Variants in ZNF497 observed in about 807,000 individuals in gnomAD.
ZNF497 encodes the protein zinc finger protein 497, also known as zinc finger-like protein.
For missense variants in ZNF497, 930 were observed against 714.0 expected (o/e 1.30, Z -3.45); for synonymous variants, 422 against 313.7 (o/e 1.35, Z -3.65).
intron 1 of ZNF497, chr19:58,359,037 CCAAGAGCTCCAGCAT>C: frequency 7.4e-6 from 4 of 542,528 alleles, no homozygotes; most frequent in Non-Finnish European, 1.3e-5. Context: ...TGCTCCAGCA[CCAAGAGCTCCAGCAT>C]CTGCTCCTTG....
At chr19:58,362,171 C>T (rs1278531513) in intron 1 of ZNF497, among the ~76,000 whole-genome samples, 1 of 152,224 alleles carries the variant, frequency 6.6e-6, no homozygotes, top group East Asian at 1.9e-4. Flanking sequence ...GTACTTGTGT[C>T]TCCCCCACAA....
intron 2 of ZNF497, chr19:58,358,141 C>G (rs1260510559): frequency 2.4e-6 from 3 of 1,263,776 alleles, no homozygotes; most frequent in Middle Eastern, 2.2e-4. Context: ...TGGCCGGATC[C>G]CTGGGTAGTC....
intron 1 of ZNF497, among the ~76,000 whole-genome samples, chr19:58,360,372 C>CT (rs974859388): frequency 5.3e-4 from 77 of 144,082 alleles, no homozygotes; most frequent in South Asian, 8.6e-4. Flanking sequence ...TTTTCTTTTT[C>CT]TTTTTTTTTT....
chr19:58,357,431 C>A lies in ZNF497; in HGVS notation c.205G>T (p.Gly69Cys). Residue 69 changes from glycine (G) to cysteine (C), a missense_variant, in exon 3 of 3, where the codon GGC becomes TGC. By Grantham distance (159) the Gly-to-Cys change is radical. Transcript: ENST00000311044. Reference sequence around the variant, plus strand: ...GCGGGGCCCAGCTCCCTGCCGGGGCCTCCCTGTTCGTCCGCCGCCCCCAGT... The same window carrying A: ...GCGGGGCCCAGCTCCCTGCCGGGGCATCCCTGTTCGTCCGCCGCCCCCAGT... ...ATLGAADEQG[G>C]PGRELGPADG... 6.2e-7 allele frequency: 1 copy of A among 1,600,930 alleles called. No individual in the cohort carries two copies. The highest frequency in any genetic ancestry group is 8.5e-7 in the Non-Finnish European group (1 of 1,173,878).
chr19:58,357,767 C>A lies in ZNF497; in HGVS notation c.-14-118G>T. On this transcript the variant is annotated intron_variant, in intron 2 of 2. Coordinates refer to ENST00000311044, the MANE Select transcript of ZNF497 (RefSeq NM_198458.3). ...TCCCCCACTCTTCTCCTCCAGGTCC[C>A]TGGATGCCCAATGCCCTCTGGAGCC... 7.2e-6 allele frequency: 9 copies of A among 1,243,760 alleles called. No individual in the cohort carries two copies. The South Asian group carries it at 1.6e-4, about 22-fold the overall frequency. The allele number at this position is 1,243,760 out of a possible 1,614,324, so 77.0% of individuals were successfully genotyped here. A position where few individuals can be genotyped will look rare whatever the true frequency, so the allele number is the denominator to read the frequency against.
At position 58,356,516 on chromosome 19, in the gene ZNF497, G is replaced by A. The variant is rs781098520; in HGVS notation, c.1120C>T (p.Leu374=). 42 of 1,548,182 alleles carry A rather than the reference G, an allele frequency of 2.7e-5. No individual in the cohort carries two copies. The highest frequency in any genetic ancestry group is 2.7e-5 in the Non-Finnish European group (31 of 1,152,528). Residue 374 remains leucine (L), a synonymous_variant, in exon 3 of 3, where the codon CTG becomes TTG. Coordinates refer to ENST00000311044, the MANE Select transcript of ZNF497 (RefSeq NM_198458.3). ...GKAFSQRSNL[L]SHRRTHSGAK... is the part of the protein sequence containing the mutation. ...CCCGAGTGCGTGCGCCGGTGGCTCA[G>A]TAGGTTGGAGCGCTGGCTGAAGGCC...
rs2052096553 is a variant in ZNF497 at position 58,361,769 on chromosome 19, T to A, written c.-112+908A>T. On this transcript the variant is annotated intron_variant, in intron 1 of 2. Coordinates refer to ENST00000311044, the MANE Select transcript of ZNF497 (RefSeq NM_198458.3). ...TTACCTCAAATCAAAAGTTAAATTT[T>A]AAAAAAACGACATCTGATTTCAATA... is the stretch of plus-strand genomic sequence containing the variant. Among the ~76,000 whole-genome samples the A allele has an allele frequency of 4.6e-5, 7 of 152,268 alleles. No homozygotes were observed. In the South Asian group the frequency reaches 1.0e-3, roughly 23 times the overall value.
chr19:58,358,392 C>G, intron 2 of ZNF497, 97 bp downstream of exon 2: 1 of 1,168,072 alleles, frequency 8.6e-7, no homozygotes. Flanking sequence ...GCGAGCAAAA[C>G]CCATCCTCAT....
At chr19:58,357,764 TC>T (rs1264272725) in intron 2 of ZNF497, 115 bp from the exon 3 acceptor site, 1 of 1,230,032 alleles carries the variant, frequency 8.1e-7, no homozygotes, top group African/African-American at 1.5e-5. Flanking sequence ...CTCCTCCAGG[TC>T]CCTGGATGCC....
chr19:58,359,339 T>G, intron 1 of ZNF497: 1 of 1,128,724 alleles, frequency 8.9e-7, no homozygotes, highest in Non-Finnish European at 1.2e-6. Context: ...AACACAAAGG[T>G]GAGCCTGTGA....
rs771681598 is a variant in ZNF497, at chr19:58,357,477, G to A, written c.159C>T (p.Asp53=). 2.5e-6 allele frequency: 4 copies of A among 1,593,682 alleles called. No individual in the cohort carries two copies. The highest frequency in any genetic ancestry group is 2.7e-5 in the African/African-American group (2 of 74,568). ...NSTEVPREAG[D]GQRQQATLGA... ...CCAGTGTGGCTTGCTGCCGCTGGCC[G>A]TCCCCTGCCTCCCTCGGAACCTCCG... is the stretch of plus-strand genomic sequence containing the variant. Residue 53 remains aspartate, a synonymous_variant, in exon 3 of 3, where the codon GAC becomes GAT. Transcript: ENST00000311044.
chr19:58,359,351 C>T (rs756736475), intron 1 of ZNF497: 62 of 1,015,816 alleles, frequency 6.1e-5, no homozygotes, highest in Admixed American at 1.2e-4. Context: ...AGCCTGTGAG[C>T]ACAGCAAGGC....
rs1463855681 is a variant in ZNF497, at chr19:58,356,327, A to G, written c.1309T>C (p.Ser437Pro). ...SELRQHQRLH[S>P]GERPFVCAHC... is the part of the protein sequence containing the mutation. The stretch of plus-strand genomic sequence containing the variant: ...GCGCAGACGAACGGCCTCTCGCCAG[A>G]GTGCAGGCGCTGGTGCTGGCGCAGC... Residue 437 changes from serine to proline, a missense_variant, in exon 3 of 3, where the codon TCT (serine) becomes CCT (proline). Ser to Pro is a moderately conservative substitution (Grantham distance 74, BLOSUM62 -1). Coordinates refer to ENST00000311044, the MANE Select transcript of ZNF497 (RefSeq NM_198458.3). The G allele has an allele frequency of 8.3e-6, 13 of 1,571,136 alleles. No homozygotes were observed. The highest frequency in any genetic ancestry group is 1.4e-5 in the African/African-American group (1 of 73,202).
At position 58,357,159 on chromosome 19, in the gene ZNF497, C is replaced by T. The variant is rs1415352256; in HGVS notation, c.477G>A (p.Glu159=). ...LSQHQRIHSG[E]KPYACRECGK... The stretch of plus-strand genomic sequence containing the variant: ...CGCACTCCCTGCAAGCGTAGGGCTT[C>T]TCGCCGCTGTGGATGCGCTGGTGCT... Residue 159 remains glutamate, a synonymous_variant, in exon 3 of 3, where the codon GAG becomes GAA. Transcript: ENST00000311044. The T allele has an allele frequency of 2.5e-6, 4 of 1,612,678 alleles. No individual in the cohort carries two copies. The highest frequency in any genetic ancestry group is 2.5e-6 in the Non-Finnish European group (3 of 1,179,428).
rs748254229 is a variant in ZNF497 at position 58,357,321 on chromosome 19, G to A, written c.315C>T (p.Gly105=). The change falls in exon 3 of 3, where the codon GGC becomes GGT. Residue 105 remains glycine, a synonymous_variant. Transcript: ENST00000311044. ...LRPSPLPEEP[G]CRCGECGKAF... ...CCTTGCCGCACTCCCCGCACCGGCA[G>A]CCCGGCTCCTCTGGGAGAGGCGAAG... is the stretch of plus-strand genomic sequence containing the variant. 6.9e-6 allele frequency: 11 copies of A among 1,605,152 alleles called. No homozygotes were observed. The highest frequency in any genetic ancestry group is 8.5e-6 in the Non-Finnish European group (10 of 1,176,372).
intron 1 of ZNF497, 71 bp from the exon 2 acceptor site, chr19:58,358,656 C>CCCCTT: frequency 1.3e-6 from 1 of 793,310 alleles, no homozygotes; most frequent in Non-Finnish European, 1.8e-6. Context: ...AAGGGGCATG[C>CCCCTT]GGTGGCATGA....
At chr19:58,358,230 T>A in intron 2 of ZNF497, 1 of 1,289,870 alleles carries the variant, frequency 7.8e-7, no homozygotes, top group Non-Finnish European at 1.0e-6. Context: ...ACACCAGGCC[T>A]CTGTGCAGGT....
intron 1 of ZNF497, chr19:58,358,963 A>G (rs61732985): frequency 1.4e-4 from 65 of 464,376 alleles, no homozygotes; most frequent in African/African-American, 1.3e-3. Flanking sequence ...TGGCCTCCTC[A>G]GGGCTGCCTA....
At position 58,356,124 on chromosome 19, in the gene ZNF497, C is replaced by G. The variant is rs562606042; in HGVS notation, c.*15G>C. 34 of 1,522,854 alleles carry G rather than the reference C, an allele frequency of 2.2e-5. No homozygotes were observed. The African/African-American group carries it at 3.3e-4, about 15-fold the overall frequency. The allele number at this position is 1,522,854 out of a possible 1,614,324, so 94.3% of individuals were successfully genotyped here. ...TGCCGTGTGTCCGCGACCTCCCGCTCAGGGCGTCCTCGGGTCAGGGCGCAG... is the reference window on the plus strand; with the variant it reads ...TGCCGTGTGTCCGCGACCTCCCGCTGAGGGCGTCCTCGGGTCAGGGCGCAG... On this transcript the variant is annotated 3_prime_UTR_variant, in exon 3 of 3. Transcript: ENST00000311044.
Sources: allele counts gnomAD v4.1 joint callset (sites outside exome capture counted in the v4.1 genomes callset), GRCh38; gene constraint gnomAD v4.1.1; transcripts MANE v1.5; gene names NCBI Gene and HGNC (gene_info 2026-07-23, HGNC 2026-07-21).